TMEM232: variants seen among roughly 807,000 people sequenced by gnomAD.
TMEM232 encodes transmembrane protein 232.
In TMEM232, 80 loss-of-function variants were observed where a neutral mutation model predicts 78.8. The observed-to-expected ratio is 1.01, with a 90% CI of 0.85 to 1.22. TMEM232 has a LOEUF of 1.22. Ranked by LOEUF, TMEM232 falls within the 50% of genes most tolerant of loss-of-function variation. The probability of loss-of-function intolerance (pLI) is 0.00; values close to 1 mark genes in which losing one functional copy is unlikely to be tolerated. For missense variants in TMEM232, 881 were observed against 742.2 expected (o/e 1.19, Z -2.17); for synonymous variants, 297 against 254.3 (o/e 1.17, Z -1.60).
intron 2 of TMEM232, among the ~76,000 whole-genome samples, chr5:110,401,311 GA>G (rs754800857): frequency 6.7e-6 from 1 of 149,378 alleles, no homozygotes; most frequent in Non-Finnish European, 1.5e-5. Flanking sequence ...CTTAAGATCT[GA>G]AATGAGTAAG....
intron 1 of TMEM232, among the ~76,000 whole-genome samples, chr5:110,691,923 T>A (rs1486105682): frequency 6.6e-6 from 1 of 152,168 alleles, no homozygotes; most frequent in Non-Finnish European, 1.5e-5. Flanking sequence ...TTCTTTTGTT[T>A]GTTTTTTGTT....
At chr5:110,648,466 G>A (rs150343992) in intron 2 of TMEM232, among the ~76,000 whole-genome samples, 1,531 of 152,062 alleles carry the variant, frequency 0.01, 34 homozygotes, top group African/African-American at 0.034. Flanking sequence ...TCACAGCAAC[G>A]TTTTTCATAA....
At chr5:110,508,869 C>T (rs942254398) in intron 12 of TMEM232, among the ~76,000 whole-genome samples, 9 of 139,496 alleles carry the variant, frequency 6.5e-5, no homozygotes, top group Non-Finnish European at 9.0e-5. Flanking sequence ...TATATATACA[C>T]ACACACATAT....
At chr5:110,462,463 G>A (rs576986369) in intron 12 of TMEM232, among the ~76,000 whole-genome samples, 1 of 152,164 alleles carries the variant, frequency 6.6e-6, no homozygotes, top group Non-Finnish European at 1.5e-5. Flanking sequence ...ATAAAAGCAG[G>A]CAGAGGAACA....
chr5:110,644,228 T>C (rs1787139452), intron 2 of TMEM232, among the ~76,000 whole-genome samples: 1 of 151,932 alleles, frequency 6.6e-6, no homozygotes, highest in African/African-American at 2.4e-5. Flanking sequence ...AAATTGTTTC[T>C]CAATAGTCAT....
chr5:110,449,341 A>G (rs1174105940), intron 12 of TMEM232, among the ~76,000 whole-genome samples: 1 of 152,106 alleles, frequency 6.6e-6, no homozygotes, highest in East Asian at 1.9e-4. Context: ...ATGCTGTTAC[A>G]TATTCATACC....
intron 2 of TMEM232, among the ~76,000 whole-genome samples, chr5:110,648,419 ATATGTCC>A (rs1473793899): frequency 6.6e-6 from 1 of 152,100 alleles, no homozygotes; most frequent in Non-Finnish European, 1.5e-5. Flanking sequence ...TCCAATAGAA[ATATGTCC>A]TATGTACCAG....
chr5:110,394,953 TG>T (rs1166007898), intron 3 of TMEM232, among the ~76,000 whole-genome samples: 1 of 152,034 alleles, frequency 6.6e-6, no homozygotes. Flanking sequence ...GGAAGAAGTG[TG>T]GGGGTAGTTT....
intron 12 of TMEM232, among the ~76,000 whole-genome samples, chr5:110,498,671 C>T (rs1765885225): frequency 1.3e-5 from 2 of 152,026 alleles, no homozygotes; most frequent in Admixed American, 1.3e-4. Flanking sequence ...TAAAGTCTTC[C>T]CATATGCAGA....
At chr5:110,410,970 C>T (rs1459872090) in intron 2 of TMEM232, among the ~76,000 whole-genome samples, 1 of 152,150 alleles carries the variant, frequency 6.6e-6, no homozygotes, top group East Asian at 1.9e-4. Context: ...AGAATCCTTT[C>T]TGAAACCCTC....
intron 1 of TMEM232, among the ~76,000 whole-genome samples, chr5:110,702,744 G>A (rs538724844): frequency 5.9e-5 from 9 of 152,086 alleles, no homozygotes; most frequent in South Asian, 2.1e-4. Flanking sequence ...GGGAAATAAC[G>A]GGCAGGCTAT....
chr5:110,536,801 T>TG (rs1561650403), intron 11 of TMEM232, among the ~76,000 whole-genome samples: 1 of 152,064 alleles, frequency 6.6e-6, no homozygotes, highest in African/African-American at 2.4e-5. Flanking sequence ...GTGTGGGGCA[T>TG]GGGGGGCATT....
chr5:110,395,269 G>GC (rs1755342279), intron 3 of TMEM232, among the ~76,000 whole-genome samples: 1 of 152,086 alleles, frequency 6.6e-6, no homozygotes, highest in African/African-American at 2.4e-5. Flanking sequence ...TGGCCCCACT[G>GC]CCCCAGGCCT....
At position 110,642,690 on chromosome 5, in the gene TMEM232, T is replaced by C. The variant is rs141845847; in HGVS notation, c.126-319A>G. The stretch of plus-strand genomic sequence containing the variant: ...AAAATCCAGCACGGCTTCAATTATG[T>C]TGAAGGCTGATTTATCTCCTCACAT... On this transcript the variant is annotated intron_variant, in intron 2 of 13. Transcript: ENST00000455884. 2.3e-3 allele frequency among the ~76,000 whole-genome samples: 349 copies of C among 152,204 alleles called. 2 individuals carry two copies. Among genetic ancestry groups the C allele is most frequent in the African/African-American group, 7.7e-3 (321 of 41,540 alleles).
intron 12 of TMEM232, among the ~76,000 whole-genome samples, chr5:110,509,012 A>ATATATGTATATATATATG (rs1767359825): frequency 7.0e-6 from 1 of 143,648 alleles, no homozygotes; most frequent in African/African-American, 2.6e-5. Context: ...ATATATATGT[A>ATATATGTATATATATATG]TATATATACA....
chr5:110,504,775 G>A (rs1230376865), intron 12 of TMEM232, among the ~76,000 whole-genome samples: 2 of 152,284 alleles, frequency 1.3e-5, no homozygotes, highest in East Asian at 3.9e-4. Context: ...ATTAGGAAGG[G>A]CAACTTGCTT....
chr5:110,600,461 TA>T (rs1448991615), intron 10 of TMEM232, among the ~76,000 whole-genome samples: 1 of 151,842 alleles, frequency 6.6e-6, no homozygotes, highest in Non-Finnish European at 1.5e-5. Flanking sequence ...ATACATGCAA[TA>T]AAAAATGATA....
intron 8 of TMEM232, among the ~76,000 whole-genome samples, chr5:110,614,553 G>T (rs1782700458): frequency 6.6e-6 from 1 of 151,908 alleles, no homozygotes; most frequent in South Asian, 2.1e-4. Flanking sequence ...CTAAAAATCG[G>T]TTAAAGAAAG....
At chr5:110,394,629 T>C (rs1436208244) in intron 3 of TMEM232, among the ~76,000 whole-genome samples, 1 of 152,206 alleles carries the variant, frequency 6.6e-6, no homozygotes, top group Non-Finnish European at 1.5e-5. Flanking sequence ...TTGCGTCTGT[T>C]GGGTCACAAC....
Sources: gnomAD v4.1 joint callset for allele counts (sites outside exome capture counted in the v4.1 genomes callset) on GRCh38, gnomAD v4.1.1 for gene constraint, MANE v1.5 for transcripts, NCBI Gene and HGNC (gene_info 2026-07-23, HGNC 2026-07-21) for gene names.